The following CCDC85C variants were observed in gnomAD, a reference collection of about 807,000 sequenced individuals.
The protein encoded by CCDC85C is coiled-coil domain-containing protein 85C.
CCDC85C carries 18 observed loss-of-function variants against 38.3 expected under a neutral mutation model. The ratio of observed to expected loss-of-function variants is 0.47; its 90% confidence interval spans 0.33 to 0.70. The LOEUF (loss-of-function observed/expected upper bound fraction) is 0.70. Ranked by LOEUF, CCDC85C falls within the 30% of genes least tolerant of loss-of-function variation. The pLI, the probability that CCDC85C is intolerant of heterozygous loss-of-function variation, is 0.03. For synonymous variants in CCDC85C, 264 were observed against 293.8 expected (o/e 0.90, Z 1.04); for missense variants, 566 against 621.2 (o/e 0.91, Z 0.94).
chr14:99,539,923 G>A (rs1206615908), intron 1 of CCDC85C, among the ~76,000 whole-genome samples: 1 of 152,070 alleles, frequency 6.6e-6, no homozygotes, highest in Non-Finnish European at 1.5e-5. Flanking sequence ...GAGGCGGGCG[G>A]ATCACCTAAG....
intron 2 of CCDC85C, among the ~76,000 whole-genome samples, chr14:99,525,190 T>C (rs1897360117): frequency 2.0e-5 from 3 of 152,294 alleles, no homozygotes; most frequent in South Asian, 4.1e-4. Context: ...ACTGCCCAAC[T>C]CAGGGCCCAG....
Position 99,535,965 on chromosome 14 carries a change from T to C in CCDC85C, c.867+50A>G, listed in dbSNP as rs141416961. On this transcript the variant is annotated intron_variant, in intron 2 of 5. Transcript: ENST00000380243. The surrounding 1 kb of genome is among the most constrained non-coding windows in gnomAD (Gnocchi z 5.5). ...GGGTGCCCTGGGTGAGCTGGAGGGG[T>C]GGGTGCTGGGTCGCGGTCCTCAAGG... is the stretch of plus-strand genomic sequence containing the variant. 0.011 allele frequency: 15,644 copies of C among 1,384,578 alleles called. 135 individuals are homozygous for C. The highest frequency in any genetic ancestry group is 0.037 in the African/African-American group (2,579 of 69,768). 85.8% of individuals were successfully genotyped at this position (1,384,578 alleles called of 1,614,324 possible).
intron 1 of CCDC85C, among the ~76,000 whole-genome samples, chr14:99,536,974 G>A (rs1274663451): frequency 6.6e-6 from 1 of 152,174 alleles, no homozygotes; most frequent in East Asian, 1.9e-4. Context: ...TGGGGGAAGG[G>A]AGGAGAGGCA....
At position 99,558,514 on chromosome 14, in the gene CCDC85C, G is replaced by A. The variant is rs555766349; in HGVS notation, c.794-22426C>T. 2.0e-5 allele frequency among the ~76,000 whole-genome samples: 3 copies of A among 152,116 alleles called. No individual in the cohort carries two copies. Among genetic ancestry groups the A allele is most frequent in the African/African-American group, 4.8e-5 (2 of 41,424 alleles). ...CAGTTGCCTGTAATCCCAGCTACTC[G>A]GGAGGCTGAGGCAGGAGAATTGCTT... On this transcript the variant is annotated intron_variant, in intron 1 of 5. Transcript: ENST00000380243. This position sits in a 1 kb window ranked among gnomAD's most constrained non-coding sequence, Gnocchi z 4.2.
Position 99,569,021 on chromosome 14 carries a change from G to A in CCDC85C, c.794-32933C>T, listed in dbSNP as rs144203237. 5.2e-3 allele frequency among the ~76,000 whole-genome samples: 791 copies of A among 152,302 alleles called. 4 individuals are homozygous for A. The highest frequency in any genetic ancestry group is 8.3e-3 in the Non-Finnish European group (566 of 68,010). ...AGCCCCAGGTCCATGGGCTAGCTGA[G>A]GGTTCCTGGGGACCCCAGGAGGCGT... On this transcript the variant is annotated intron_variant, in intron 1 of 5. Transcript: ENST00000380243. The surrounding 1 kb of genome is among the most constrained non-coding windows in gnomAD (Gnocchi z 4.3).
In CCDC85C at chr14:99,588,764, C is replaced by T. The variant is rs1229122373; in HGVS notation, c.793+14403G>A. ...TCAAAGCCCCAAGCAGCAGGAATAC[C>T]CAAAAAAGCCCCCAAAAGTACTGGT... On this transcript the variant is annotated intron_variant, in intron 1 of 5. Transcript: ENST00000380243. The surrounding 1 kb of genome is among the most constrained non-coding windows in gnomAD (Gnocchi z 5.0). Among the ~76,000 whole-genome samples the T allele has an allele frequency of 6.6e-6, 1 of 151,840 alleles. No homozygotes were observed. The highest frequency in any genetic ancestry group is 1.5e-5 in the Non-Finnish European group (1 of 67,976).
chr14:99,592,331 G>A (rs2055097007), intron 1 of CCDC85C, among the ~76,000 whole-genome samples: 1 of 152,178 alleles, frequency 6.6e-6, no homozygotes, highest in African/African-American at 2.4e-5. Context: ...GCAGGGGAGA[G>A]AGGAAGGGAC....
intron 1 of CCDC85C, among the ~76,000 whole-genome samples, chr14:99,598,079 C>T (rs1198486146): frequency 6.6e-6 from 1 of 152,202 alleles, no homozygotes. Flanking sequence ...GGCTACATGC[C>T]CCTCGGCATG....
chr14:99,563,609 G>A (rs1898159642), intron 1 of CCDC85C, among the ~76,000 whole-genome samples: 2 of 152,270 alleles, frequency 1.3e-5, no homozygotes, highest in South Asian at 2.1e-4. Context: ...GGAAATGGGA[G>A]GGTGAGAGAG....
intron 1 of CCDC85C, among the ~76,000 whole-genome samples, chr14:99,552,224 G>A (rs1054610847): frequency 2.0e-5 from 3 of 152,220 alleles, no homozygotes; most frequent in Non-Finnish European, 4.4e-5. Flanking sequence ...GCACCACTGG[G>A]GAGGAGGTAG....
intron 1 of CCDC85C, among the ~76,000 whole-genome samples, chr14:99,540,414 C>T (rs934805860): frequency 1.2e-4 from 18 of 152,282 alleles, no homozygotes; most frequent in African/African-American, 2.6e-4. Flanking sequence ...CGGGAAGGGC[C>T]GGCTCCCCGG....
chr14:99,558,580 C>A lies in CCDC85C; in HGVS notation c.794-22492G>T, dbSNP rs1351239982. Among the ~76,000 whole-genome samples the A allele has an allele frequency of 3.3e-5, 5 of 152,186 alleles. No homozygotes were observed. The highest frequency in any genetic ancestry group is 2.9e-5 in the Non-Finnish European group (2 of 68,042). On this transcript the variant is annotated intron_variant, in intron 1 of 5. Coordinates refer to ENST00000380243, the MANE Select transcript of CCDC85C (RefSeq NM_001144995.2). The surrounding 1 kb of genome is among the most constrained non-coding windows in gnomAD (Gnocchi z 4.2). ...AGGTTGCAGTGAGCCAAGATTGTGCCACTGCACTCCAGCCTGGAGATAGAG... is the reference window on the plus strand; with the variant it reads ...AGGTTGCAGTGAGCCAAGATTGTGCAACTGCACTCCAGCCTGGAGATAGAG...
rs571879150 is a variant in CCDC85C, at chr14:99,538,871, G to A, written c.794-2783C>T. Among the ~76,000 whole-genome samples, 94 of 152,238 alleles carry A rather than the reference G, an allele frequency of 6.2e-4. 1 individual carries two copies. Among genetic ancestry groups the A allele is most frequent in the African/African-American group, 2.0e-3 (82 of 41,538 alleles). ...ATGCAGACAGGCCATCCCACAGGTCGCCAGCAATGCCCTGCCTGCCCATAG... is the reference window on the plus strand; with the variant it reads ...ATGCAGACAGGCCATCCCACAGGTCACCAGCAATGCCCTGCCTGCCCATAG... On this transcript the variant is annotated intron_variant, in intron 1 of 5. Transcript: ENST00000380243.
rs749475256 is a variant in CCDC85C, at chr14:99,502,150, G to A, written c.*13096C>T. ...TTAGTTATGGCATCTCCATGCACTG[G>A]TTTAATCATAAATATTAGATCATAT... On this transcript the variant is annotated 3_prime_UTR_variant, in exon 6 of 6. Coordinates refer to ENST00000380243, the MANE Select transcript of CCDC85C (RefSeq NM_001144995.2). 2.6e-5 allele frequency: 39 copies of A among 1,508,044 alleles called. No homozygotes were observed. The highest frequency in any genetic ancestry group is 3.5e-5 in the Non-Finnish European group (39 of 1,125,760). 93.4% of individuals were successfully genotyped at this position (1,508,044 alleles called of 1,614,324 possible).
At chr14:99,579,992 C>T (rs1175742853) in intron 1 of CCDC85C, 4 of 454,426 alleles carry the variant, frequency 8.8e-6, no homozygotes, top group Non-Finnish European at 1.8e-5. Context: ...CAGCGGACCA[C>T]CATGACAAAC....
At position 99,504,183 on chromosome 14, in the gene CCDC85C, G is replaced by A. The variant is rs1462460770; in HGVS notation, c.*11063C>T. ...TAAACAGAAGGAGTGAGCAAAATTG[G>A]AACAATTACAAAACAGAAAGTTAGA... On this transcript the variant is annotated 3_prime_UTR_variant, in exon 6 of 6. Coordinates refer to ENST00000380243, the MANE Select transcript of CCDC85C (RefSeq NM_001144995.2). The A allele has an allele frequency of 4.2e-6, 1 of 235,648 alleles. No individual in the cohort carries two copies. The highest frequency in any genetic ancestry group is 3.6e-5 in the South Asian group (1 of 27,528). The allele number at this position is 235,648 out of a possible 1,614,324, so 14.6% of individuals were successfully genotyped here.
rs1206281237 is a variant in CCDC85C, at chr14:99,513,912, A to G, written c.*1334T>C. 1.3e-5 allele frequency: 2 copies of G among 152,264 alleles called. No homozygotes were observed. The highest frequency in any genetic ancestry group is 2.9e-5 in the Non-Finnish European group (2 of 68,078). 9.4% of individuals were successfully genotyped at this position (152,264 alleles called of 1,614,324 possible). A position where few individuals can be genotyped will look rare whatever the true frequency, so the allele number is the denominator to read the frequency against. On this transcript the variant is annotated 3_prime_UTR_variant, in exon 6 of 6. Coordinates refer to ENST00000380243, the MANE Select transcript of CCDC85C (RefSeq NM_001144995.2). ...ACTTTCCTCACACACACAGTTTTCTATTGCACTTTACAGTTTATACATGGT... is the reference window on the plus strand; with the variant it reads ...ACTTTCCTCACACACACAGTTTTCTGTTGCACTTTACAGTTTATACATGGT...
chr14:99,561,376 C>A (rs546747588), intron 1 of CCDC85C, among the ~76,000 whole-genome samples: 16 of 152,168 alleles, frequency 1.1e-4, no homozygotes, highest in African/African-American at 3.9e-4. Context: ...AGTGGACAGC[C>A]CCGTGACCAG....
At chr14:99,600,292 C>T (rs867813836) in intron 1 of CCDC85C, among the ~76,000 whole-genome samples, 1 of 152,178 alleles carries the variant, frequency 6.6e-6, no homozygotes. Context: ...TGGGTTCTGT[C>T]CATCTTACAG....
Sources: gnomAD v4.1 joint callset for allele counts (sites outside exome capture counted in the v4.1 genomes callset) on GRCh38, gnomAD v4.1.1 for gene constraint, Gnocchi (gnomAD v3.1) non-coding constraint, MANE v1.5 for transcripts, NCBI Gene and HGNC (gene_info 2026-07-23, HGNC 2026-07-21) for gene names.